RIN2: variants seen among roughly 807,000 people sequenced by gnomAD.
The protein encoded by RIN2 is Ras and Rab interactor 2, also known as RAB5 interacting protein 2.
A neutral mutation model predicts 78.0 loss-of-function variants in RIN2; 36 were observed. The observed-to-expected ratio is 0.46, with a 90% CI of 0.35 to 0.61. The LOEUF is 0.61. Among genes scored for constraint, RIN2 ranks in the 20% least tolerant of loss-of-function variants. The pLI, the probability that RIN2 is intolerant of heterozygous loss-of-function variation, is 0.00. For missense variants in RIN2, 1,087 were observed against 1,159.7 expected (o/e 0.94, Z 0.91); for synonymous variants, 466 against 466.8 (o/e 1.00, Z 0.02).
At chr20:19,764,424 G>A (rs540181577) in intron 1 of RIN2, among the ~76,000 whole-genome samples, 281 of 152,300 alleles carry the variant, frequency 1.8e-3, no homozygotes, top group Non-Finnish European at 3.3e-3. Flanking sequence ...CAGTCACCTC[G>A]TCTATGCAGG....
intron 11 of RIN2, among the ~76,000 whole-genome samples, chr20:19,996,439 C>CT (rs2042968441): frequency 6.6e-6 from 1 of 152,170 alleles, no homozygotes; most frequent in South Asian, 2.1e-4. Context: ...CTTGTCTGTG[C>CT]CCCCTTGGCC....
chr20:19,914,764 C>A (rs1321658166), intron 3 of RIN2, among the ~76,000 whole-genome samples: 1 of 152,172 alleles, frequency 6.6e-6, no homozygotes, highest in Admixed American at 6.5e-5. Context: ...TCAGAACCTG[C>A]ACCTTCACCA....
At chr20:19,962,573 A>G (rs2041800306) in intron 6 of RIN2, among the ~76,000 whole-genome samples, 1 of 152,162 alleles carries the variant, frequency 6.6e-6, no homozygotes, top group South Asian at 2.1e-4. Context: ...TGGTTAAAAG[A>G]GCTTGTTTAA....
At chr20:19,934,954 A>G (rs1451224032) in intron 3 of RIN2, 145 bp from the exon 4 acceptor site, 7 of 590,662 alleles carry the variant, frequency 1.2e-5, no homozygotes, top group Non-Finnish European at 1.7e-5. Flanking sequence ...GAGGAAATTC[A>G]CAGAGCCAAG....
At chr20:19,869,831 T>TATTTATTTATTG (rs2037633464) in intron 2 of RIN2, among the ~76,000 whole-genome samples, 1 of 151,254 alleles carries the variant, frequency 6.6e-6, no homozygotes, top group African/African-American at 2.4e-5. Flanking sequence ...TTTATTTATT[T>TATTTATTTATTG]ATTGTAGAGA....
chr20:19,902,485 G>A (rs915279572), intron 3 of RIN2, among the ~76,000 whole-genome samples: 1 of 152,154 alleles, frequency 6.6e-6, no homozygotes, highest in East Asian at 1.9e-4. Flanking sequence ...GTTTCCTATA[G>A]CAAAAGGTGG....
chr20:19,767,072 A>C (rs191424816), intron 1 of RIN2, among the ~76,000 whole-genome samples: 1 of 152,292 alleles, frequency 6.6e-6, no homozygotes, highest in African/African-American at 2.4e-5. Context: ...ATTGGGGAAA[A>C]GGCATACAGA....
At chr20:19,775,060 C>T (rs933696466) in intron 1 of RIN2, among the ~76,000 whole-genome samples, 2 of 152,110 alleles carry the variant, frequency 1.3e-5, no homozygotes, top group African/African-American at 2.4e-5. Context: ...TACAGAGTTC[C>T]ACTTCGTATG....
intron 2 of RIN2, among the ~76,000 whole-genome samples, chr20:19,826,427 T>G (rs1472676018): frequency 6.6e-6 from 1 of 152,198 alleles, no homozygotes; most frequent in African/African-American, 2.4e-5. Context: ...AGTGATTCCC[T>G]GGGGTGGCCC....
intron 12 of RIN2, among the ~76,000 whole-genome samples, chr20:20,000,341 A>T (rs190200261): frequency 2.0e-5 from 3 of 152,236 alleles, no homozygotes; most frequent in Admixed American, 2.0e-4. Flanking sequence ...TTTCTTAACC[A>T]GACCTTATGA....
chr20:19,802,671 G>T (rs17370886), intron 2 of RIN2, among the ~76,000 whole-genome samples: 11,528 of 151,938 alleles, frequency 0.076, 434 homozygotes, highest in Middle Eastern at 0.11. Flanking sequence ...GGGTCGCTAG[G>T]GTTGGTTAAT....
At chr20:19,989,511 A>T (rs1427830860) in intron 9 of RIN2, among the ~76,000 whole-genome samples, 1 of 152,002 alleles carries the variant, frequency 6.6e-6, no homozygotes, top group African/African-American at 2.4e-5. Flanking sequence ...CTTGACCTCA[A>T]ATGATCTGCC....
intron 1 of RIN2, among the ~76,000 whole-genome samples, chr20:19,785,707 C>T (rs187068195): frequency 5.3e-5 from 8 of 152,134 alleles, no homozygotes; most frequent in Non-Finnish European, 5.9e-5. Flanking sequence ...CTAGGAAATA[C>T]CCAAATACTT....
At chr20:19,932,954 A>G (rs781128373) in intron 3 of RIN2, among the ~76,000 whole-genome samples, 7 of 152,172 alleles carry the variant, frequency 4.6e-5, no homozygotes, top group Non-Finnish European at 1.0e-4. Context: ...CTTCGGAGCC[A>G]TCCTTGATTA....
chr20:19,822,634 C>T (rs1200959129), intron 2 of RIN2, among the ~76,000 whole-genome samples: 1 of 145,048 alleles, frequency 6.9e-6, no homozygotes. Flanking sequence ...TACTGATTTA[C>T]ACTAATGAGA....
intron 3 of RIN2, among the ~76,000 whole-genome samples, chr20:19,902,183 G>A (rs1027831098): frequency 6.6e-6 from 1 of 152,174 alleles, no homozygotes; most frequent in Non-Finnish European, 1.5e-5. Flanking sequence ...TGTGAAGTAT[G>A]TGGTGGCTCC....
At chr20:19,873,137 A>G (rs992008896) in intron 2 of RIN2, among the ~76,000 whole-genome samples, 8 of 146,098 alleles carry the variant, frequency 5.5e-5, no homozygotes, top group African/African-American at 1.3e-4. Context: ...ATTTTATTTT[A>G]TTTTTGAGAC....
intron 2 of RIN2, among the ~76,000 whole-genome samples, chr20:19,841,917 A>G (rs1292922785): frequency 6.6e-6 from 1 of 152,246 alleles, no homozygotes; most frequent in African/African-American, 2.4e-5. Flanking sequence ...GCAACTCACT[A>G]CACTAAACAA....
intron 2 of RIN2, among the ~76,000 whole-genome samples, chr20:19,885,534 G>A (rs2038154140): frequency 7.9e-6 from 1 of 125,860 alleles, no homozygotes; most frequent in African/African-American, 3.1e-5. Flanking sequence ...AGGCATGATG[G>A]TGCACGCCTG....
Sources: allele counts gnomAD v4.1 joint callset (sites outside exome capture counted in the v4.1 genomes callset), GRCh38; gene constraint gnomAD v4.1.1; transcripts MANE v1.5; gene names NCBI Gene and HGNC (gene_info 2026-07-23, HGNC 2026-07-21).